The following FNDC3A variants were observed in gnomAD, a reference collection of about 807,000 sequenced individuals.
FNDC3A encodes the protein fibronectin type-III domain-containing protein 3A.
FNDC3A carries 32 observed loss-of-function variants against 148.9 expected under a neutral mutation model. That is an observed-to-expected ratio of 0.21 (90% CI 0.16 to 0.29). The LOEUF (loss-of-function observed/expected upper bound fraction) is 0.29, where lower values mean the gene tolerates loss of function less well. Among genes scored for constraint, FNDC3A ranks in the 10% least tolerant of loss-of-function variants. The pLI is 1.00. For synonymous variants in FNDC3A, 472 were observed against 473.6 expected (o/e 1.00, Z 0.04); for missense variants, 1,191 against 1,452.8 (o/e 0.82, Z 2.93).
chr13:49,136,674 A>G (rs374696664), intron 6 of FNDC3A, 73 bp downstream of exon 6: 30 of 1,429,998 alleles, frequency 2.1e-5, no homozygotes, highest in Non-Finnish European at 2.8e-5. Flanking sequence ...AGTATATTCT[A>G]ACCTTTCAGT....
intron 10 of FNDC3A, among the ~76,000 whole-genome samples, chr13:49,169,909 C>T (rs1884667949): frequency 6.6e-6 from 1 of 152,112 alleles, no homozygotes; most frequent in African/African-American, 2.4e-5. Flanking sequence ...GTGTCACTTA[C>T]AGTAGTATTT....
intron 2 of FNDC3A, among the ~76,000 whole-genome samples, chr13:49,026,594 C>T (rs138034338): frequency 6.6e-6 from 1 of 152,222 alleles, no homozygotes; most frequent in Non-Finnish European, 1.5e-5. Context: ...GCCTCAGTCT[C>T]CTGGGCTTAA....
chr13:49,084,179 C>G (rs983991895), intron 3 of FNDC3A, among the ~76,000 whole-genome samples: 1 of 152,124 alleles, frequency 6.6e-6, no homozygotes, highest in African/African-American at 2.4e-5. Context: ...AACAATAATG[C>G]CGTCTTTATT....
At chr13:49,057,277 C>A (rs1448723615) in intron 2 of FNDC3A, among the ~76,000 whole-genome samples, 2 of 152,126 alleles carry the variant, frequency 1.3e-5, no homozygotes, top group East Asian at 3.9e-4. Flanking sequence ...TAGAAGGGTT[C>A]TAATTATTCT....
chr13:49,093,086 A>C (rs1045764732), intron 3 of FNDC3A, among the ~76,000 whole-genome samples: 6 of 152,190 alleles, frequency 3.9e-5, no homozygotes, highest in Admixed American at 3.9e-4. Context: ...GATATCTTAG[A>C]ATCAACTGGG....
intron 1 of FNDC3A, among the ~76,000 whole-genome samples, chr13:48,986,086 G>A (rs1951786403): frequency 6.6e-6 from 1 of 152,050 alleles, no homozygotes; most frequent in South Asian, 2.1e-4. Context: ...ATCTGAAACT[G>A]TGTTAAAGTG....
intron 8 of FNDC3A, 80 bp downstream of exon 8, chr13:49,146,015 A>T: frequency 9.4e-7 from 1 of 1,060,690 alleles, no homozygotes. Context: ...ATTTTGCTCT[A>T]CTTTTCCTTC....
chr13:49,064,913 C>T lies in FNDC3A; in HGVS notation c.100-10376C>T, dbSNP rs528961870. 7.2e-5 allele frequency among the ~76,000 whole-genome samples: 11 copies of T among 152,188 alleles called. No homozygotes were observed. The South Asian group carries it at 1.2e-3, about 17-fold the overall frequency. The stretch of plus-strand genomic sequence containing the variant: ...ATTCTTATAGTCCCTGGAGACCTTC[C>T]GTGTCTGCTTACAATATGTTATAAT... On this transcript the variant is annotated intron_variant, in intron 2 of 25. Transcript: ENST00000492622.
chr13:49,063,856 TATA>T (rs1050574078), intron 2 of FNDC3A, among the ~76,000 whole-genome samples: 11 of 152,308 alleles, frequency 7.2e-5, no homozygotes, highest in African/African-American at 2.2e-4. Flanking sequence ...AACATATTGA[TATA>T]ATAATTCTTC....
At position 49,117,822 on chromosome 13, in the gene FNDC3A, G is replaced by C. The variant is rs1339497084; in HGVS notation, c.252+3091G>C. 3.3e-5 allele frequency among the ~76,000 whole-genome samples: 5 copies of C among 152,192 alleles called. No individual in the cohort carries two copies. In the South Asian group the frequency reaches 1.0e-3, roughly 32 times the overall value. ...TAGAAAATTTTGGTATCCACAGAAA[G>C]TCCTGGAACCAATCCCCCATGCATA... On this transcript the variant is annotated intron_variant, in intron 4 of 25. Transcript: ENST00000492622.
chr13:48,986,638 C>T (rs993685682), intron 1 of FNDC3A, among the ~76,000 whole-genome samples: 1 of 151,966 alleles, frequency 6.6e-6, no homozygotes, highest in East Asian at 1.9e-4. Context: ...CCTCATGATC[C>T]GCCCACCTCA....
At chr13:49,006,361 C>A in intron 2 of FNDC3A, 72 bp downstream of exon 2, 1 of 711,702 alleles carries the variant, frequency 1.4e-6, no homozygotes, top group Non-Finnish European at 2.4e-6. Flanking sequence ...AAACAGATCA[C>A]AATAGTGAGT....
At chr13:49,052,912 A>C (rs1014443339) in intron 2 of FNDC3A, among the ~76,000 whole-genome samples, 49 of 152,066 alleles carry the variant, frequency 3.2e-4, no homozygotes, top group African/African-American at 1.2e-3. Flanking sequence ...GTGGGAGATG[A>C]GGGTGTGGTT....
intron 3 of FNDC3A, among the ~76,000 whole-genome samples, chr13:49,111,683 G>A (rs534222232): frequency 1.1e-4 from 16 of 145,876 alleles, no homozygotes; most frequent in East Asian, 6.0e-4. Flanking sequence ...CTGAGATAGC[G>A]CCACTGCACT....
At chr13:49,009,768 A>G (rs1952299486) in intron 2 of FNDC3A, among the ~76,000 whole-genome samples, 1 of 152,208 alleles carries the variant, frequency 6.6e-6, no homozygotes, top group African/African-American at 2.4e-5. Flanking sequence ...TGTGTGGTTT[A>G]GCAGTTTACT....
intron 8 of FNDC3A, among the ~76,000 whole-genome samples, chr13:49,158,390 A>G (rs1883861683): frequency 1.3e-5 from 2 of 152,168 alleles, no homozygotes; most frequent in African/African-American, 4.8e-5. Context: ...CGCCCACGGT[A>G]CGCGCGCTCA....
At chr13:49,013,605 T>C (rs1952415615) in intron 2 of FNDC3A, among the ~76,000 whole-genome samples, 2 of 151,648 alleles carry the variant, frequency 1.3e-5, no homozygotes, top group South Asian at 4.1e-4. Context: ...GATGTACACG[T>C]GTATACATGT....
At chr13:49,135,574 T>C (rs1882308218) in intron 5 of FNDC3A, among the ~76,000 whole-genome samples, 1 of 152,176 alleles carries the variant, frequency 6.6e-6, no homozygotes, top group African/African-American at 2.4e-5. Flanking sequence ...ATCCTTATAA[T>C]ACTCATTTCA....
chr13:49,077,143 G>A (rs763554582), intron 3 of FNDC3A, among the ~76,000 whole-genome samples: 25 of 152,164 alleles, frequency 1.6e-4, no homozygotes, highest in Admixed American at 1.3e-4. Context: ...GCATAGTGGC[G>A]CACGCCTGCT....
Sources: gnomAD v4.1 joint callset for allele counts (sites outside exome capture counted in the v4.1 genomes callset) on GRCh38, gnomAD v4.1.1 for gene constraint, MANE v1.5 for transcripts, NCBI Gene and HGNC (gene_info 2026-07-23, HGNC 2026-07-21) for gene names.